GUCY1A2: variants seen among roughly 807,000 people sequenced by gnomAD.
The protein encoded by GUCY1A2 is guanylate cyclase soluble subunit alpha-2.
GUCY1A2 carries 27 observed loss-of-function variants against 63.5 expected under a neutral mutation model. The ratio of observed to expected loss-of-function variants is 0.43; its 90% CI spans 0.31 to 0.59. The LOEUF (loss-of-function observed/expected upper bound fraction) is 0.59. GUCY1A2 is among the 20% of genes least tolerant of loss of function. The pLI is 0.11. For missense variants in GUCY1A2, 768 were observed against 913.3 expected (o/e 0.84, Z 2.05); for synonymous variants, 364 against 343.5 (o/e 1.06, Z -0.66).
rs1011156221 is a variant in GUCY1A2 at position 106,794,521 on chromosome 11, A to G, written c.1692+15472T>C. On this transcript the variant is annotated intron_variant, in intron 5 of 7. Transcript: ENST00000526355. ...CTACACACACACACACACACACAGA[A>G]ACACAAAGGTAATTATGTCTGATAA... Among the ~76,000 whole-genome samples the G allele has an allele frequency of 2.6e-5, 4 of 151,676 alleles. No homozygotes were observed. In the South Asian group the frequency reaches 6.2e-4, roughly 24 times the overall value.
intron 4 of GUCY1A2, among the ~76,000 whole-genome samples, chr11:106,831,411 G>T (rs1201171802): frequency 1.3e-5 from 2 of 152,164 alleles, no homozygotes; most frequent in East Asian, 3.9e-4. Context: ...ATATGGCAAG[G>T]AAGTGCCCCA....
intron 4 of GUCY1A2, among the ~76,000 whole-genome samples, chr11:106,897,205 A>G (rs979756419): frequency 6.6e-6 from 1 of 152,188 alleles, no homozygotes. Flanking sequence ...GAAAAACTAC[A>G]TAAGTGGAGA....
chr11:106,780,973 G>A (rs974410649), intron 5 of GUCY1A2, among the ~76,000 whole-genome samples: 8 of 151,990 alleles, frequency 5.3e-5, no homozygotes, highest in African/African-American at 1.9e-4. Flanking sequence ...AGTGTTAGTG[G>A]ATTCCTTCAA....
chr11:106,986,297 C>T (rs933014518), intron 1 of GUCY1A2, among the ~76,000 whole-genome samples, 166 bp from the exon 2 acceptor site: 1 of 152,134 alleles, frequency 6.6e-6, no homozygotes, highest in Non-Finnish European at 1.5e-5. Context: ...CCCACAGAAA[C>T]TAATATGAGG....
chr11:106,856,770 A>G (rs1859442362), intron 4 of GUCY1A2, among the ~76,000 whole-genome samples: 1 of 152,116 alleles, frequency 6.6e-6, no homozygotes, highest in Non-Finnish European at 1.5e-5. Context: ...ATGTGTACCC[A>G]GTTCCTTTTT....
At chr11:106,986,432 C>A (rs1861402206) in intron 1 of GUCY1A2, among the ~76,000 whole-genome samples, 1 of 152,156 alleles carries the variant, frequency 6.6e-6, no homozygotes, top group African/African-American at 2.4e-5. Flanking sequence ...CTACAATAAA[C>A]CCAGGCCCTG....
chr11:106,906,467 T>C (rs920181076), intron 4 of GUCY1A2, among the ~76,000 whole-genome samples: 5 of 152,138 alleles, frequency 3.3e-5, no homozygotes, highest in African/African-American at 1.2e-4. Context: ...TGTGGAGAAA[T>C]AGGAACACTT....
chr11:106,944,616 AC>A (rs1860801223), intron 3 of GUCY1A2, among the ~76,000 whole-genome samples: 2 of 152,292 alleles, frequency 1.3e-5, no homozygotes, highest in South Asian at 4.1e-4. Flanking sequence ...TATATAACAA[AC>A]CTGCACATGT....
At chr11:106,914,532 T>C (rs772849717) in intron 4 of GUCY1A2, among the ~76,000 whole-genome samples, 1 of 151,602 alleles carries the variant, frequency 6.6e-6, no homozygotes, top group Non-Finnish European at 1.5e-5. Flanking sequence ...CCATGCTACG[T>C]CCAGTAAGTA....
intron 4 of GUCY1A2, among the ~76,000 whole-genome samples, chr11:106,874,593 G>A (rs950164703): frequency 2.6e-5 from 4 of 151,904 alleles, no homozygotes; most frequent in Non-Finnish European, 4.4e-5. Flanking sequence ...CCACTTATAC[G>A]TAGAATTTAG....
At chr11:106,963,970 A>C (rs1289878057) in intron 3 of GUCY1A2, among the ~76,000 whole-genome samples, 1 of 152,056 alleles carries the variant, frequency 6.6e-6, no homozygotes, top group Non-Finnish European at 1.5e-5. Flanking sequence ...ATCTCGTTTC[A>C]CCATTTGTGA....
intron 4 of GUCY1A2, among the ~76,000 whole-genome samples, chr11:106,935,857 A>T (rs1860669154): frequency 6.6e-6 from 1 of 151,538 alleles, no homozygotes; most frequent in African/African-American, 2.4e-5. Context: ...TCCAAAAAAA[A>T]AAATTAAAAA....
intron 4 of GUCY1A2, among the ~76,000 whole-genome samples, chr11:106,900,085 C>CAAAA (rs35314878): frequency 2.5e-5 from 2 of 79,744 alleles, no homozygotes; most frequent in Non-Finnish European, 2.6e-5. Context: ...GACTCCGTCT[C>CAAAA]AAAAAAAAAA....
intron 7 of GUCY1A2, among the ~76,000 whole-genome samples, chr11:106,701,849 T>C (rs1265867451): frequency 1.3e-5 from 2 of 152,204 alleles, no homozygotes; most frequent in African/African-American, 4.8e-5. Context: ...AATTTAATCA[T>C]TATGCATTGT....
At position 106,758,258 on chromosome 11, in the gene GUCY1A2, T is replaced by C. The variant is rs12283418; in HGVS notation, c.1836+18181A>G. On this transcript the variant is annotated intron_variant, in intron 6 of 7. Transcript: ENST00000526355. ...ACTAGCAGTGAGAATTTCAAGTCCA[T>C]GGATCTTAGCTTGCTGGGCTATGTG... 3.9e-3 allele frequency among the ~76,000 whole-genome samples: 601 copies of C among 152,344 alleles called. 3 individuals are homozygous for C. Among genetic ancestry groups the C allele is most frequent in the African/African-American group, 0.014 (575 of 41,580 alleles).
At chr11:106,834,841 G>T (rs1455689577) in intron 4 of GUCY1A2, among the ~76,000 whole-genome samples, 1 of 151,980 alleles carries the variant, frequency 6.6e-6, no homozygotes, top group Non-Finnish European at 1.5e-5. Flanking sequence ...TAGCAGCAAG[G>T]AAGATAAGCT....
chr11:106,965,678 G>A (rs1350324319), intron 3 of GUCY1A2, among the ~76,000 whole-genome samples: 2 of 152,150 alleles, frequency 1.3e-5, no homozygotes, highest in Non-Finnish European at 2.9e-5. Context: ...CAGCAGAGAC[G>A]ACATCAGCCT....
chr11:106,803,882 C>T (rs1419097305), intron 5 of GUCY1A2, among the ~76,000 whole-genome samples: 3 of 152,254 alleles, frequency 2.0e-5, no homozygotes, highest in Admixed American at 6.5e-5. Context: ...CCAAAGTGCT[C>T]GCCAAAGGCA....
Position 107,006,659 on chromosome 11 carries a change from T to C in GUCY1A2, c.303+11094A>G, listed in dbSNP as rs544237594. On this transcript the variant is annotated intron_variant, in intron 1 of 7. Coordinates refer to ENST00000526355, the MANE Select transcript of GUCY1A2 (RefSeq NM_000855.3). The stretch of plus-strand genomic sequence containing the variant: ...TGGTCAGACCACAAGTACCATTTAC[T>C]TCCTCAGTGCTTCTACATAGAGCAA... 6.6e-5 allele frequency among the ~76,000 whole-genome samples: 10 copies of C among 152,346 alleles called. No homozygotes were observed. The East Asian group carries it at 1.4e-3, about 21-fold the overall frequency.
Sources: gnomAD v4.1 joint callset for allele counts (sites outside exome capture counted in the v4.1 genomes callset) on GRCh38, gnomAD v4.1.1 for gene constraint, MANE v1.5 for transcripts, NCBI Gene and HGNC (gene_info 2026-07-23, HGNC 2026-07-21) for gene names.